Variants in FAM110B observed in about 807,000 individuals in gnomAD.
The protein encoded by FAM110B is protein FAM110B.
In FAM110B, 6 loss-of-function variants were observed where a neutral mutation model predicts 20.4. That is an observed-to-expected ratio of 0.29 (90% confidence interval 0.16 to 0.58). The LOEUF is 0.58. Among genes scored for constraint, FAM110B ranks in the 20% least tolerant of loss-of-function variants. The pLI is 0.90. For missense variants in FAM110B, 434 were observed against 498.2 expected (o/e 0.87, Z 1.23); for synonymous variants, 226 against 214.1 (o/e 1.06, Z -0.49).
At chr8:58,002,715 T>TCTTAATATGCTTAAACTATACTGTA (rs1426450528) in intron 1 of FAM110B, among the ~76,000 whole-genome samples, 3 of 152,226 alleles carry the variant, frequency 2.0e-5, no homozygotes, top group Non-Finnish European at 2.9e-5. Context: ...GTCTATTAAG[T>TCTTAATATGCTTAAACTATACTGTA]GTGCAATAGC....
intron 3 of FAM110B, among the ~76,000 whole-genome samples, chr8:58,115,270 A>G (rs1317708696): frequency 2.0e-5 from 3 of 152,128 alleles, no homozygotes; most frequent in South Asian, 4.1e-4. Flanking sequence ...TTAATACACC[A>G]TCTTCCCCAG....
chr8:58,128,330 G>A (rs1807564181), intron 3 of FAM110B, among the ~76,000 whole-genome samples: 1 of 152,066 alleles, frequency 6.6e-6, no homozygotes, highest in Non-Finnish European at 1.5e-5. Context: ...GCCTCCTAGG[G>A]GTCTTAGGGC....
At chr8:58,056,797 G>A (rs917901569) in intron 2 of FAM110B, among the ~76,000 whole-genome samples, 1 of 152,106 alleles carries the variant, frequency 6.6e-6, no homozygotes, top group African/African-American at 2.4e-5. Context: ...GTTCCAGTAT[G>A]GTAATGGTGG....
intron 2 of FAM110B, among the ~76,000 whole-genome samples, chr8:58,049,471 A>C (rs928202834): frequency 6.6e-6 from 1 of 152,044 alleles, no homozygotes; most frequent in Non-Finnish European, 1.5e-5. Context: ...TGCCCTAATT[A>C]GGTCAGATGT....
At chr8:58,133,916 T>C (rs1803549488) in intron 3 of FAM110B, among the ~76,000 whole-genome samples, 1 of 152,242 alleles carries the variant, frequency 6.6e-6, no homozygotes, top group African/African-American at 2.4e-5. Context: ...GAGCTTCCTG[T>C]CACTTGAACC....
Position 58,146,625 on chromosome 8 carries a change from G to C in FAM110B, c.395G>C (p.Ser132Thr). Residue 132 changes from serine to threonine, a missense_variant, in exon 4 of 4, where the codon AGC becomes ACC. Transcript: ENST00000519262. ...ATCATCAATAGCTCCGAGGGCTCTA[G>C]CTCGGGCTCGGGGCACAAGCACAGC... ...KNIINSSEGSSSGSGHKHSSR... is the reference protein window; with the variant it reads ...KNIINSSEGSTSGSGHKHSSR... 6.2e-7 allele frequency: 1 copy of C among 1,613,854 alleles called. No individual in the cohort carries two copies. The highest frequency in any genetic ancestry group is 8.5e-7 in the Non-Finnish European group (1 of 1,179,914).
At chr8:58,000,559 A>G (rs1426153236) in intron 1 of FAM110B, among the ~76,000 whole-genome samples, 1 of 152,122 alleles carries the variant, frequency 6.6e-6, no homozygotes, top group Non-Finnish European at 1.5e-5. Flanking sequence ...TTTATCTTCA[A>G]TCCTTTTGTA....
intron 3 of FAM110B, chr8:58,091,294 C>T (rs1405848233): frequency 6.6e-6 from 1 of 152,220 alleles, no homozygotes; most frequent in Non-Finnish European, 1.5e-5. Flanking sequence ...GTGAGAGTGC[C>T]TAGCGTCAGG....
chr8:58,012,506 A>G (rs987400025), intron 1 of FAM110B, among the ~76,000 whole-genome samples: 2 of 152,146 alleles, frequency 1.3e-5, no homozygotes, highest in African/African-American at 4.8e-5. Context: ...CTTTTTTCAC[A>G]TTCAAAATAA....
chr8:58,093,787 A>C (rs1806547523), intron 3 of FAM110B, among the ~76,000 whole-genome samples: 1 of 152,208 alleles, frequency 6.6e-6, no homozygotes, highest in East Asian at 1.9e-4. Context: ...CTGTGAAGAA[A>C]ATCAATGGTA....
rs563219933 is a variant in FAM110B, at chr8:58,133,965, AC to A, written c.-324-11940del. On this transcript the variant is annotated intron_variant, in intron 3 of 3. Transcript: ENST00000519262. Reference sequence around the variant, plus strand: ...CAAGTGCAAATTGTGATGAAACCTTACCTTTAACATTCTAGGCTTGAAAATG... The same window carrying A: ...CAAGTGCAAATTGTGATGAAACCTTACTTTAACATTCTAGGCTTGAAAATG... 4.9e-4 allele frequency among the ~76,000 whole-genome samples: 75 copies of A among 152,328 alleles called. 2 individuals are homozygous for A. In the South Asian group the frequency reaches 7.0e-3, roughly 14 times the overall value.
intron 3 of FAM110B, among the ~76,000 whole-genome samples, chr8:58,111,728 G>A (rs1029254136): frequency 6.6e-6 from 1 of 152,076 alleles, no homozygotes; most frequent in African/African-American, 2.4e-5. Context: ...AAAGACATAA[G>A]CTGCTATTTT....
At chr8:58,114,383 G>A (rs72662407) in intron 3 of FAM110B, among the ~76,000 whole-genome samples, 19,270 of 152,126 alleles carry the variant, frequency 0.13, 1,337 homozygotes, top group Middle Eastern at 0.18. Flanking sequence ...TTTAAAAGCT[G>A]TAGTTATATA....
chr8:58,124,366 A>G (rs924161772), intron 3 of FAM110B, among the ~76,000 whole-genome samples: 10 of 152,220 alleles, frequency 6.6e-5, no homozygotes, highest in Non-Finnish European at 1.3e-4. Context: ...GTTGTAGTGG[A>G]TCAATTCTTG....
At chr8:58,071,590 G>T (rs73682110) in intron 2 of FAM110B, among the ~76,000 whole-genome samples, 2 of 152,126 alleles carry the variant, frequency 1.3e-5, no homozygotes, top group Non-Finnish European at 2.9e-5. Flanking sequence ...GTAAACTTCC[G>T]AGTACTTACC....
chr8:58,036,503 A>C (rs554316321), intron 2 of FAM110B, among the ~76,000 whole-genome samples: 1 of 152,302 alleles, frequency 6.6e-6, no homozygotes, highest in Admixed American at 6.5e-5. Flanking sequence ...GCCTTATTTC[A>C]TGGTTGCCCA....
At chr8:58,086,880 G>A (rs1243600002) in intron 3 of FAM110B, among the ~76,000 whole-genome samples, 2 of 152,234 alleles carry the variant, frequency 1.3e-5, no homozygotes, top group Non-Finnish European at 2.9e-5. Context: ...GGTGAGGACA[G>A]TGGAGCTGGT....
intron 3 of FAM110B, among the ~76,000 whole-genome samples, chr8:58,109,667 G>A (rs886897317): frequency 6.6e-6 from 1 of 152,186 alleles, no homozygotes; most frequent in Non-Finnish European, 1.5e-5. Flanking sequence ...GGAAAACGAG[G>A]CCAGGAATCC....
chr8:58,018,592 A>G (rs1053898648), intron 1 of FAM110B, among the ~76,000 whole-genome samples: 4 of 152,106 alleles, frequency 2.6e-5, no homozygotes, highest in Non-Finnish European at 5.9e-5. Flanking sequence ...GGTTTAGTCC[A>G]TTTACATTGA....
Sources: gnomAD v4.1 joint callset for allele counts (sites outside exome capture counted in the v4.1 genomes callset) on GRCh38, gnomAD v4.1.1 for gene constraint, MANE v1.5 for transcripts, NCBI Gene and HGNC (gene_info 2026-07-23, HGNC 2026-07-21) for gene names.